Variants in SLC25A42 observed in about 807,000 individuals in gnomAD.
SLC25A42 encodes solute carrier family 25 member 42.
Under a neutral mutation model 34.7 loss-of-function variants are expected in SLC25A42, and 19 were observed. The ratio of observed to expected loss-of-function variants is 0.55; its 90% CI spans 0.38 to 0.80. The LOEUF (loss-of-function observed/expected upper bound fraction) is 0.80. SLC25A42 is among the 30% of genes least tolerant of loss of function. The pLI is 0.00. For missense variants in SLC25A42, 364 were observed against 441.3 expected, an observed-to-expected ratio of 0.82 and a Z score of 1.57; for synonymous variants, 205 against 191.2, an observed-to-expected ratio of 1.07 and a Z score of -0.59.
At chr19:19,096,723 G>A (rs980357473) in intron 2 of SLC25A42, among the ~76,000 whole-genome samples, 15 of 152,114 alleles carry the variant, frequency 9.9e-5, no homozygotes, top group African/African-American at 2.7e-4. Flanking sequence ...GATCATATGA[G>A]ACCAGGAGTT....
intron 1 of SLC25A42, among the ~76,000 whole-genome samples, chr19:19,082,879 G>T (rs1599671361): frequency 6.6e-6 from 1 of 151,872 alleles, no homozygotes; most frequent in African/African-American, 2.4e-5. Flanking sequence ...GTGTAGTGGG[G>T]CGATCTCAGC....
At chr19:19,105,254 C>A in intron 4 of SLC25A42, 5 of 575,522 alleles carry the variant, frequency 8.7e-6, no homozygotes, top group Non-Finnish European at 1.5e-5. Flanking sequence ...ATGCCAAACA[C>A]CAACAGACAT....
At position 19,110,900 on chromosome 19, in the gene SLC25A42, C is replaced by T. The variant is rs2059861047; in HGVS notation, c.*24C>T. 1 of 1,611,502 alleles carries T rather than the reference C, an allele frequency of 6.2e-7. No individual in the cohort carries two copies. Among genetic ancestry groups the T allele is most frequent in the South Asian group, 1.1e-5 (1 of 90,966 alleles). ...AGGGGACCCTGAGCTGCTCTCAGGA[C>T]GGTGGACCGGTGACCCCTTTGTATT... On this transcript the variant is annotated 3_prime_UTR_variant, in exon 8 of 8. Coordinates refer to ENST00000318596, the MANE Select transcript of SLC25A42 (RefSeq NM_178526.5).
At chr19:19,085,867 C>T (rs918003375) in intron 1 of SLC25A42, among the ~76,000 whole-genome samples, 2 of 152,122 alleles carry the variant, frequency 1.3e-5, no homozygotes, top group African/African-American at 2.4e-5. Context: ...AGGGGGCCAG[C>T]CAGGGTCAGG....
At chr19:19,108,127 C>T (rs1198962267) in intron 7 of SLC25A42, 82 bp downstream of exon 7, 1 of 1,474,476 alleles carries the variant, frequency 6.8e-7, no homozygotes, top group Non-Finnish European at 9.1e-7. Context: ...TCACATAGAC[C>T]TGGAGACCAG....
rs1179520685 is a variant in SLC25A42 at position 19,110,631 on chromosome 19, C to T, written c.712C>T (p.Leu238Phe). 7 of 1,537,068 alleles carry T rather than the reference C, an allele frequency of 4.6e-6. No homozygotes were observed. In the Admixed American group the frequency reaches 8.1e-5, roughly 18 times the overall value. The change falls in exon 8 of 8, where the codon CTC (leucine) becomes TTC (phenylalanine). Residue 238 changes from leucine to phenylalanine, a missense_variant. By Grantham distance (22) the Leu-to-Phe change is conservative (BLOSUM62 0). Transcript: ENST00000318596. ...CATGATCTTCGGCGCCTGCGCTGGC[C>T]TCATCGGGCAGTCGGCCTCGTACCC... ...ERMIFGACAG[L>F]IGQSASYPLD...
chr19:19,084,501 G>T (rs551876257), intron 1 of SLC25A42, among the ~76,000 whole-genome samples: 1 of 152,272 alleles, frequency 6.6e-6, no homozygotes, highest in East Asian at 1.9e-4. Context: ...AGGCCACACA[G>T]ATAGGAATCA....
intron 1 of SLC25A42, among the ~76,000 whole-genome samples, chr19:19,089,533 AAAT>A (rs201259877): frequency 5.2e-4 from 77 of 147,780 alleles, no homozygotes; most frequent in Middle Eastern, 3.5e-3. Flanking sequence ...ATCTCAAAAA[AAAT>A]AATAATAATA....
chr19:19,108,260 G>A (rs1240809907), intron 7 of SLC25A42, among the ~76,000 whole-genome samples: 1 of 152,208 alleles, frequency 6.6e-6, no homozygotes, highest in Non-Finnish European at 1.5e-5. Context: ...GCCTAAGTGA[G>A]AGGAACTCTG....
chr19:19,093,041 G>T (rs1046466918), intron 1 of SLC25A42, among the ~76,000 whole-genome samples: 4 of 152,062 alleles, frequency 2.6e-5, no homozygotes, highest in Admixed American at 2.6e-4. Flanking sequence ...TATTTTTTGA[G>T]ACCCAGTCTT....
chr19:19,080,558 G>A (rs1024432773), intron 1 of SLC25A42, among the ~76,000 whole-genome samples: 2 of 152,092 alleles, frequency 1.3e-5, no homozygotes, highest in Non-Finnish European at 2.9e-5. Context: ...CAGGTGGGAG[G>A]ATCACTTGAG....
At chr19:19,064,393 A>G (rs2059590230) in intron 1 of SLC25A42, among the ~76,000 whole-genome samples, 1 of 147,466 alleles carries the variant, frequency 6.8e-6, no homozygotes, top group Non-Finnish European at 1.5e-5. Flanking sequence ...GGCGCCCCGC[A>G]CAGCTGGGTC....
intron 1 of SLC25A42, among the ~76,000 whole-genome samples, chr19:19,095,750 T>A (rs1377604902): frequency 6.6e-6 from 1 of 152,206 alleles, no homozygotes; most frequent in East Asian, 1.9e-4. Flanking sequence ...ATGTTTGGCC[T>A]GACAGTGGTG....
In SLC25A42 at chr19:19,073,010, G is replaced by T. The variant is rs117419245; in HGVS notation, c.-35+8895G>T. Reference sequence around the variant, plus strand: ...TGACCCACTGTATGTGGCCTATGTGGAGGTTTAGTGACACATCCAAGGTGT... The same window carrying T: ...TGACCCACTGTATGTGGCCTATGTGTAGGTTTAGTGACACATCCAAGGTGT... On this transcript the variant is annotated intron_variant, in intron 1 of 7. Transcript: ENST00000318596. 5.3e-5 allele frequency among the ~76,000 whole-genome samples: 8 copies of T among 152,310 alleles called. No individual in the cohort carries two copies. The East Asian group carries it at 1.5e-3, about 29-fold the overall frequency.
intron 3 of SLC25A42, among the ~76,000 whole-genome samples, chr19:19,102,743 AAAATAAATAAAT>A (rs140086036): frequency 1.7e-4 from 25 of 148,656 alleles, no homozygotes; most frequent in South Asian, 4.3e-4. Context: ...CTCTGTCTCA[AAAATAAATAAAT>A]AAATAAATAA....
At chr19:19,068,964 T>C (rs1235728708) in intron 1 of SLC25A42, among the ~76,000 whole-genome samples, 1 of 151,694 alleles carries the variant, frequency 6.6e-6, no homozygotes. Flanking sequence ...GGGTTGAGGC[T>C]GCAGTGAGCC....
chr19:19,080,844 C>T (rs1382160279), intron 1 of SLC25A42, among the ~76,000 whole-genome samples: 1 of 148,254 alleles, frequency 6.7e-6, no homozygotes, highest in African/African-American at 2.5e-5. Context: ...CTCTTGAGCC[C>T]AGGAGATCAA....
Position 19,110,965 on chromosome 19 carries a change from C to A in SLC25A42, c.*89C>A. 1.4e-6 allele frequency: 2 copies of A among 1,449,000 alleles called. No homozygotes were observed. Among genetic ancestry groups the A allele is most frequent in the Non-Finnish European group, 9.5e-7 (1 of 1,056,184 alleles). 89.8% of individuals were successfully genotyped at this position (1,449,000 alleles called of 1,614,324 possible). A position where few individuals can be genotyped will look rare whatever the true frequency, so the allele number is the denominator to read the frequency against. ...CGGTGGGGGGGTGCGCTTGATTCTA[C>A]TTCAGGAGGCACATGGGGCGCTTTA... On this transcript the variant is annotated 3_prime_UTR_variant, in exon 8 of 8. Coordinates refer to ENST00000318596, the MANE Select transcript of SLC25A42 (RefSeq NM_178526.5).
chr19:19,069,434 G>A (rs2059618300), intron 1 of SLC25A42, among the ~76,000 whole-genome samples: 1 of 152,144 alleles, frequency 6.6e-6, no homozygotes, highest in African/African-American at 2.4e-5. Context: ...CAAACTGGGG[G>A]GCTTCAGACA....
Sources: allele counts gnomAD v4.1 joint callset (sites outside exome capture counted in the v4.1 genomes callset), GRCh38; gene constraint gnomAD v4.1.1; transcripts MANE v1.5; gene names NCBI Gene and HGNC (gene_info 2026-07-23, HGNC 2026-07-21).